Variants in LINGO2 observed in about 807,000 individuals in gnomAD.
The protein encoded by LINGO2 is leucine-rich repeat and immunoglobulin-like domain-containing nogo receptor-interacting protein 2.
Under a neutral mutation model 30.6 loss-of-function variants are expected in LINGO2, and 14 were observed. The ratio of observed to expected loss-of-function variants is 0.46; its 90% CI spans 0.30 to 0.72. The LOEUF (loss-of-function observed/expected upper bound fraction) is 0.72, where lower values mean the gene tolerates loss of function less well. LINGO2 is among the 30% of genes least tolerant of loss of function. The pLI, the probability that LINGO2 is intolerant of heterozygous loss-of-function variation, is 0.07. For missense variants in LINGO2, 729 were observed against 751.7 expected (o/e 0.97, Z 0.35); for synonymous variants, 317 against 288.5 (o/e 1.10, Z -1.00).
At chr9:28,170,815 T>C (rs1382188633) in intron 4 of LINGO2, among the ~76,000 whole-genome samples, 1 of 152,198 alleles carries the variant, frequency 6.6e-6, no homozygotes, top group Admixed American at 6.5e-5. Context: ...TCTGCCTCTC[T>C]CTTCCCTTTA....
chr9:28,742,736 T>C, the LINGO2 span, among the ~76,000 whole-genome samples: 1 of 146,896 alleles, frequency 6.8e-6, no homozygotes, highest in Non-Finnish European at 1.5e-5. Flanking sequence ...ACTTTTTGAT[T>C]AACCCTTTTT....
At position 28,148,848 on chromosome 9, in the gene LINGO2, G is replaced by A; in HGVS notation, c.-86-136443C>T. Reference sequence around the variant, plus strand: ...GTGCTGGGTAAAGACCACCTGCCCAGCTCTCCAGGCTTGCTGATGGTGGGG... The same window carrying A: ...GTGCTGGGTAAAGACCACCTGCCCAACTCTCCAGGCTTGCTGATGGTGGGG... On this transcript the variant is annotated intron_variant, in intron 4 of 5. Transcript: ENST00000379992. The surrounding 1 kb of genome is among the most constrained non-coding windows in gnomAD (Gnocchi z 5.1). 4 of 1,533,762 alleles carry A rather than the reference G, an allele frequency of 2.6e-6. No individual in the cohort carries two copies. Among genetic ancestry groups the A allele is most frequent in the Non-Finnish European group, 3.5e-6 (4 of 1,146,522 alleles).
intron 3 of LINGO2, among the ~76,000 whole-genome samples, chr9:28,301,545 G>A (rs1824143684): frequency 6.6e-6 from 1 of 152,122 alleles, no homozygotes; most frequent in South Asian, 2.1e-4. Context: ...TTCTGAAGAT[G>A]ACACTTCCCT....
At chr9:28,422,564 A>G (rs1221266794) in intron 2 of LINGO2, among the ~76,000 whole-genome samples, 3 of 152,060 alleles carry the variant, frequency 2.0e-5, no homozygotes, top group Non-Finnish European at 2.9e-5. Context: ...AGGTTTGTAT[A>G]CAGTTAGTAG....
At chr9:28,929,528 C>T in the LINGO2 span, among the ~76,000 whole-genome samples, 1 of 152,200 alleles carries the variant, frequency 6.6e-6, no homozygotes, top group South Asian at 2.1e-4. Flanking sequence ...GAACTGAGGC[C>T]TGGACATATC....
At chr9:29,118,077 G>C in the LINGO2 span, among the ~76,000 whole-genome samples, 1 of 152,072 alleles carries the variant, frequency 6.6e-6, no homozygotes, top group Non-Finnish European at 1.5e-5. Context: ...CATGGAAATG[G>C]CCACAAAACA....
chr9:28,808,671 A>T, the LINGO2 span, among the ~76,000 whole-genome samples: 10 of 152,244 alleles, frequency 6.6e-5, no homozygotes, highest in African/African-American at 2.4e-4. Context: ...TAGAACAAGC[A>T]TCCAAAAATG....
chr9:29,076,464 C>A, the LINGO2 span, among the ~76,000 whole-genome samples: 1 of 151,162 alleles, frequency 6.6e-6, no homozygotes, highest in Non-Finnish European at 1.5e-5. Context: ...AAAGGAGCAG[C>A]AATTAGACAG....
intron 2 of LINGO2, among the ~76,000 whole-genome samples, chr9:28,393,239 C>A (rs969322260): frequency 6.6e-6 from 1 of 152,212 alleles, no homozygotes. Flanking sequence ...TGAAAAAACA[C>A]AAACACTGCC....
intron 1 of LINGO2, among the ~76,000 whole-genome samples, chr9:28,560,097 A>T (rs1417658938): frequency 6.6e-6 from 1 of 150,508 alleles, no homozygotes; most frequent in African/African-American, 2.4e-5. Flanking sequence ...AAAAAAAAAA[A>T]GAAAAATGAA....
At chr9:28,886,317 T>C in the LINGO2 span, among the ~76,000 whole-genome samples, 1 of 152,060 alleles carries the variant, frequency 6.6e-6, no homozygotes, top group Non-Finnish European at 1.5e-5. Flanking sequence ...GGATCTAAGC[T>C]AAAATGGTAC....
chr9:29,000,034 G>C, the LINGO2 span, among the ~76,000 whole-genome samples: 2 of 151,870 alleles, frequency 1.3e-5, no homozygotes, highest in Non-Finnish European at 2.9e-5. Context: ...TTAGATAGTA[G>C]AAAGTAAACA....
the LINGO2 span, among the ~76,000 whole-genome samples, chr9:28,736,169 T>G: frequency 6.6e-6 from 1 of 152,164 alleles, no homozygotes; most frequent in African/African-American, 2.4e-5. Flanking sequence ...ACGTTCATCA[T>G]GGACACACAG....
chr9:28,003,505 C>T (rs186579723), intron 5 of LINGO2, among the ~76,000 whole-genome samples: 2 of 152,260 alleles, frequency 1.3e-5, no homozygotes, highest in East Asian at 3.9e-4. Flanking sequence ...GTTGCCCAGG[C>T]TGGAGTACAG....
chr9:28,887,084 C>T, the LINGO2 span, among the ~76,000 whole-genome samples: 1 of 151,996 alleles, frequency 6.6e-6, no homozygotes, highest in South Asian at 2.1e-4. Flanking sequence ...TGAGGCAGGA[C>T]CTTGTACATA....
chr9:28,441,244 T>C (rs10812829), intron 2 of LINGO2, among the ~76,000 whole-genome samples: 21,458 of 134,022 alleles, frequency 0.16, 1,879 homozygotes, highest in African/African-American at 0.22. Flanking sequence ...TATAAATTCA[T>C]TGGAGGCTTT....
chr9:27,947,057 A>C (rs956724529), downstream of LINGO2, among the ~76,000 whole-genome samples: 2 of 152,100 alleles, frequency 1.3e-5, no homozygotes, highest in Non-Finnish European at 2.9e-5. Flanking sequence ...GAGACTTTCT[A>C]CTCCAGCTTA....
chr9:28,480,212 C>CTAAGAGAGGTT (rs1825907667), intron 1 of LINGO2, among the ~76,000 whole-genome samples: 1 of 151,520 alleles, frequency 6.6e-6, no homozygotes, highest in Non-Finnish European at 1.5e-5. Flanking sequence ...TGGCTCTTTT[C>CTAAGAGAGGTT]TAAGAGAGGT....
At chr9:28,117,428 G>T (rs1184776333) in intron 4 of LINGO2, among the ~76,000 whole-genome samples, 1 of 112,024 alleles carries the variant, frequency 8.9e-6, no homozygotes, top group Non-Finnish European at 1.9e-5. Context: ...TTGAGCTGTG[G>T]TGGGCTCCAC....
Sources: allele counts gnomAD v4.1 joint callset (sites outside exome capture counted in the v4.1 genomes callset), GRCh38; gene constraint gnomAD v4.1.1; non-coding constraint Gnocchi (gnomAD v3.1); transcripts MANE v1.5; gene names NCBI Gene and HGNC (gene_info 2026-07-23, HGNC 2026-07-21).